TTC6: variants seen among roughly 807,000 people sequenced by gnomAD.
TTC6 encodes the protein tetratricopeptide repeat protein 6.
A neutral mutation model predicts 210.4 loss-of-function variants in TTC6; 172 were observed. The observed-to-expected ratio is 0.82, with a 90% CI of 0.72 to 0.93. The LOEUF (loss-of-function observed/expected upper bound fraction) is 0.93. TTC6 is among the 40% of genes least tolerant of loss of function. TTC6 has a pLI of 0.00. For synonymous variants in TTC6, 804 were observed against 819.6 expected (o/e 0.98, Z 0.32); for missense variants, 2,414 against 2,318.1 (o/e 1.04, Z -0.85).
intron 20 of TTC6, among the ~76,000 whole-genome samples, chr14:37,798,757 T>C (rs1344823473): frequency 6.6e-6 from 1 of 152,116 alleles, no homozygotes; most frequent in Non-Finnish European, 1.5e-5. Flanking sequence ...AAATAAAGAT[T>C]ACATAATCTT....
intron 2 of TTC6, among the ~76,000 whole-genome samples, chr14:37,607,617 CT>C (rs71433907): frequency 0.085 from 11,874 of 140,012 alleles, 399 homozygotes; most frequent in Middle Eastern, 0.17. Flanking sequence ...AGTATTTAGT[CT>C]TTTTTTTTTT....
chr14:37,815,470 C>G (rs1057432793), intron 25 of TTC6, among the ~76,000 whole-genome samples: 32 of 152,274 alleles, frequency 2.1e-4, no homozygotes, highest in African/African-American at 7.5e-4. Flanking sequence ...GTTTGCACTC[C>G]TATGAGAATC....
rs75404189 is a variant in TTC6, at chr14:37,819,438, C to T, written c.4763+1787C>T. ...ATTTTAAGGCTTTGATCTTTGATCT[C>T]GTGGGGTTGCAGACTTTTGAAGTAT... is the stretch of plus-strand genomic sequence containing the variant. On this transcript the variant is annotated intron_variant, in intron 26 of 30. Transcript: ENST00000553443. Among the ~76,000 whole-genome samples, 368 of 152,140 alleles carry T rather than the reference C, an allele frequency of 2.4e-3. 7 individuals carry two copies. The East Asian group carries it at 0.048, about 20-fold the overall frequency.
chr14:37,763,686 A>T (rs2095990886), intron 14 of TTC6, among the ~76,000 whole-genome samples: 1 of 151,920 alleles, frequency 6.6e-6, no homozygotes, highest in Non-Finnish European at 1.5e-5. Context: ...TCGTAATTTG[A>T]GTCATCTTTT....
At chr14:37,753,935 G>A (rs893241775) in intron 14 of TTC6, among the ~76,000 whole-genome samples, 15 of 151,806 alleles carry the variant, frequency 9.9e-5, no homozygotes, top group African/African-American at 2.7e-4. Context: ...GCATTGTACC[G>A]TTTTCATTTG....
In TTC6 at chr14:37,796,965, T is replaced by G. The variant is rs375823342; in HGVS notation, c.4029+18T>G. 1.1e-4 allele frequency: 173 copies of G among 1,574,952 alleles called. 2 individuals carry two copies. Among genetic ancestry groups the G allele is most frequent in the Admixed American group, 3.7e-4 (20 of 53,496 alleles). On this transcript the variant is annotated intron_variant, in intron 20 of 30. Coordinates refer to ENST00000553443, the Ensembl canonical transcript of TTC6. ...GAACCAAGGTGAAAAGTCCTCTGAG[T>G]AATGTTTACTAAACCTATTAATGAA...
At chr14:37,817,334 ACAAGATTC>A (rs2096144449) in intron 25 of TTC6, among the ~76,000 whole-genome samples, 1 of 152,230 alleles carries the variant, frequency 6.6e-6, no homozygotes, top group Non-Finnish European at 1.5e-5. Context: ...GACCAGTAGT[ACAAGATTC>A]TGAGTGAGTC....
At chr14:37,812,070 A>C (rs1159853270) in intron 24 of TTC6, among the ~76,000 whole-genome samples, 1 of 152,196 alleles carries the variant, frequency 6.6e-6, no homozygotes, top group East Asian at 1.9e-4. Context: ...GTATAGGGTG[A>C]CTTGTAGGTA....
At chr14:37,761,140 T>A (rs2095983216) in intron 14 of TTC6, among the ~76,000 whole-genome samples, 1 of 152,186 alleles carries the variant, frequency 6.6e-6, no homozygotes, top group South Asian at 2.1e-4. Context: ...AGGGTCCTTG[T>A]GGTGTAGGCA....
Position 37,841,636 on chromosome 14 carries a change from G to A in TTC6, c.5490G>A (p.Lys1830=), listed in dbSNP as rs551314510. 56 of 1,604,704 alleles carry A rather than the reference G, an allele frequency of 3.5e-5. 1 individual carries two copies. The South Asian group carries it at 6.2e-4, about 18-fold the overall frequency. ...GAGCACATTTCTACTACTGCTTAAA[G>A]CAATATGAACTAGCTGAGGAAGACC... Residue 1830 remains lysine (K), a synonymous_variant, in exon 30 of 31, where the codon AAG becomes AAA. Transcript: ENST00000553443.
intron 14 of TTC6, among the ~76,000 whole-genome samples, chr14:37,757,194 C>A (rs1449285793): frequency 6.6e-6 from 1 of 151,410 alleles, no homozygotes; most frequent in Non-Finnish European, 1.5e-5. Flanking sequence ...TGGTCATATC[C>A]CCTTTATCAT....
In TTC6 at chr14:37,634,807, A is replaced by G. The variant is rs575060563; in HGVS notation, c.939+11804A>G. On this transcript the variant is annotated intron_variant, in intron 1 of 30. Transcript: ENST00000553443. ...TCTCATTGAAAACTATTATCGTCAG[A>G]AGGCATTGACACAGCATTTTGAAAT... Among the ~76,000 whole-genome samples the G allele has an allele frequency of 8.5e-5, 13 of 152,336 alleles. No individual in the cohort carries two copies. In the South Asian group the frequency reaches 2.7e-3, roughly 32 times the overall value.
chr14:37,706,996 TTC>T (rs1435192663), intron 5 of TTC6, among the ~76,000 whole-genome samples: 3 of 152,098 alleles, frequency 2.0e-5, no homozygotes, highest in East Asian at 1.9e-4. Context: ...TCATTTTATA[TTC>T]TCTTTTTCCT....
At chr14:37,737,857 T>C (rs2095906238) in intron 9 of TTC6, 123 bp downstream of exon 11, 2 of 515,274 alleles carry the variant, frequency 3.9e-6, no homozygotes, top group African/African-American at 3.9e-5. Context: ...TAATTACATA[T>C]TGAGTTTTAT....
At chr14:37,776,133 C>G (rs1489992030) in intron 14 of TTC6, among the ~76,000 whole-genome samples, 1 of 22,796 alleles carries the variant, frequency 4.4e-5, no homozygotes, top group African/African-American at 1.3e-4. Context: ...TCACTGCAAG[C>G]TCCGATTCCC....
intron 25 of TTC6, among the ~76,000 whole-genome samples, chr14:37,814,381 ACCT>A (rs1304191523): frequency 1.3e-5 from 2 of 152,142 alleles, no homozygotes; most frequent in East Asian, 3.9e-4. Flanking sequence ...CTGAAATGTG[ACCT>A]CCTCAGTCAA....
chr14:37,682,929 A>G (rs772242531), exon 3 of TTC6: 128 of 1,535,510 alleles, frequency 8.3e-5, no homozygotes, highest in Non-Finnish European at 1.1e-4. Flanking sequence ...ACAGCCCACA[A>G]GTGATTCAAA....
At chr14:37,730,267 A>G (rs572230851) in intron 7 of TTC6, among the ~76,000 whole-genome samples, 2 of 152,264 alleles carry the variant, frequency 1.3e-5, no homozygotes, top group Admixed American at 1.3e-4. Context: ...TCTTAAACTT[A>G]TATTTTTCAG....
chr14:37,700,920 G>T (rs543177420), intron 4 of TTC6, among the ~76,000 whole-genome samples: 2 of 152,150 alleles, frequency 1.3e-5, no homozygotes, highest in African/African-American at 4.8e-5. Context: ...TACCTATATT[G>T]TTCCACTTCT....
Sources: allele counts gnomAD v4.1 joint callset (sites outside exome capture counted in the v4.1 genomes callset), GRCh38; gene constraint gnomAD v4.1.1; transcripts MANE v1.5; gene names NCBI Gene and HGNC (gene_info 2026-07-23, HGNC 2026-07-21).